HERC2: variants seen among roughly 807,000 people sequenced by gnomAD.
The protein encoded by HERC2 is E3 ubiquitin-protein ligase HERC2.
A neutral mutation model predicts 537.7 loss-of-function variants in HERC2; 102 were observed. The observed-to-expected ratio is 0.19, with a 90% CI of 0.16 to 0.22. The LOEUF is 0.22. HERC2 is among the 10% of genes least tolerant of loss of function. HERC2 has a pLI of 1.00. For synonymous variants in HERC2, 2,224 were observed against 2,466.2 expected, an observed-to-expected ratio of 0.90 and a Z score of 2.91; for missense variants, 4,236 against 6,198.2, an observed-to-expected ratio of 0.68 and a Z score of 10.63.
intron 3 of HERC2, among the ~76,000 whole-genome samples, chr15:28,295,778 T>C (rs1004053246): frequency 1.2e-4 from 18 of 152,164 alleles, no homozygotes; most frequent in Non-Finnish European, 2.6e-4. Context: ...TTCTGTGGAC[T>C]TCATCTTTTC....
At chr15:28,180,633 A>C (rs1327623015) in intron 57 of HERC2, among the ~76,000 whole-genome samples, 1 of 152,104 alleles carries the variant, frequency 6.6e-6, no homozygotes, top group African/African-American at 2.4e-5. Context: ...ATGTGGGTAC[A>C]TCTGAACAGT....
At chr15:28,313,450 G>C (rs928915302) in intron 2 of HERC2, among the ~76,000 whole-genome samples, 2 of 151,924 alleles carry the variant, frequency 1.3e-5, no homozygotes, top group Non-Finnish European at 2.9e-5. Flanking sequence ...TTACAGGCGG[G>C]AGCCACCGCA....
Position 28,122,228 on chromosome 15 carries a change from G to A in HERC2, c.13189-799C>T, listed in dbSNP as rs1031384852. The stretch of plus-strand genomic sequence containing the variant: ...ACGGTGAGGACCCAGCCGTTCCCCA[G>A]GAGGGAGCAGGTCGGCCATGCCCGT... On this transcript the variant is annotated intron_variant, in intron 85 of 92. Transcript: ENST00000261609. The surrounding 1 kb of genome is among the most constrained non-coding windows in gnomAD (Gnocchi z 4.1). Among the ~76,000 whole-genome samples the A allele has an allele frequency of 6.6e-6, 1 of 152,246 alleles. No homozygotes were observed. The highest frequency in any genetic ancestry group is 2.4e-5 in the African/African-American group (1 of 41,476).
At chr15:28,193,156 A>G (rs1425275906) in intron 52 of HERC2, among the ~76,000 whole-genome samples, 1 of 152,196 alleles carries the variant, frequency 6.6e-6, no homozygotes, top group Non-Finnish European at 1.5e-5. Flanking sequence ...AGGCAAGAAA[A>G]TATGACTAAA....
At chr15:28,270,979 A>C in intron 9 of HERC2, 111 bp from the exon 10 acceptor site, 1 of 819,816 alleles carries the variant, frequency 1.2e-6, no homozygotes. Context: ...TGACCCATCA[A>C]ATGACAATGT....
In HERC2 at chr15:28,274,320, C is replaced by T. The variant is rs756309671; in HGVS notation, c.771G>A (p.Ala257=). The change falls in exon 7 of 93, where the codon GCG becomes GCA. Residue 257 remains alanine, a synonymous_variant. Coordinates refer to ENST00000261609, the MANE Select transcript of HERC2 (RefSeq NM_004667.6). ...SSVWLEVVER[A]TRFLRSVVTG... is the part of the protein sequence containing the mutation. ...TCACGACGGACCTGAGGAACCTGGT[C>T]GCTCTCTCCACCACCTCCAGCCACA... is the stretch of plus-strand genomic sequence containing the variant. 3.1e-6 allele frequency: 5 copies of T among 1,614,198 alleles called. No individual in the cohort carries two copies. Among genetic ancestry groups the T allele is most frequent in the Middle Eastern group, 1.6e-4 (1 of 6,062 alleles).
chr15:28,229,454 T>C lies in HERC2; in HGVS notation c.5120+6A>G. 3.7e-6 allele frequency: 6 copies of C among 1,613,682 alleles called. No individual in the cohort carries two copies. The highest frequency in any genetic ancestry group is 5.1e-6 in the Non-Finnish European group (6 of 1,179,602). ...TAATTAAGAAAAAAATATGCTAACG[T>C]TTTACCCTATATCGATTCCCTCAGG... is the stretch of plus-strand genomic sequence containing the variant. On this transcript the variant is annotated splice_donor_region_variant and intron_variant, in intron 33 of 92. Transcript: ENST00000261609.
intron 2 of HERC2, among the ~76,000 whole-genome samples, chr15:28,307,605 T>C (rs1316373520): frequency 6.6e-6 from 1 of 152,262 alleles, no homozygotes; most frequent in African/African-American, 2.4e-5. Context: ...ACTGACCTGT[T>C]GGTCATTCAG....
At chr15:28,256,913 A>C (rs1485419796) in intron 17 of HERC2, 148 bp downstream of exon 17, 1 of 729,468 alleles carries the variant, frequency 1.4e-6, no homozygotes, top group African/African-American at 1.8e-5. Flanking sequence ...GTTTTTTAAG[A>C]CTCGCGTCCA....
intron 20 of HERC2, 106 bp downstream of exon 20, chr15:28,254,234 G>A: frequency 2.7e-6 from 2 of 735,412 alleles, no homozygotes; most frequent in Non-Finnish European, 4.3e-6. Context: ...AGTGAGCCAA[G>A]ATGGCGCCAT....
chr15:28,253,423 C>T (rs1014556678), intron 20 of HERC2, among the ~76,000 whole-genome samples: 20 of 152,334 alleles, frequency 1.3e-4, no homozygotes, highest in Admixed American at 1.2e-3. Flanking sequence ...TTTGCATCCA[C>T]CTGCTTATTA....
chr15:28,247,421 C>CTTTTTTTTTTTT (rs71132843), intron 21 of HERC2, among the ~76,000 whole-genome samples: 1 of 76,180 alleles, frequency 1.3e-5, no homozygotes, highest in Non-Finnish European at 2.3e-5. Context: ...CTACATGGTT[C>CTTTTTTTTTTTT]TTTTTTTTTT....
chr15:28,295,308 T>TGGGGG (rs3079935), intron 3 of HERC2, among the ~76,000 whole-genome samples: 9 of 79,676 alleles, frequency 1.1e-4, no homozygotes, highest in African/African-American at 3.3e-4. Flanking sequence ...TACATGTGTG[T>TGGGGG]GGGGGGGGGG....
At position 28,260,937 on chromosome 15, in the gene HERC2, G is replaced by C. The variant is rs1201700749; in HGVS notation, c.2156C>G (p.Thr719Ser). 1.2e-6 allele frequency: 2 copies of C among 1,613,932 alleles called. No homozygotes were observed. The highest frequency in any genetic ancestry group is 1.7e-6 in the Non-Finnish European group (2 of 1,179,954). ...GTCCTCAGTCAGAGCCAGGCAGTGG[G>C]TGGAGCCTGCAGCCACATCAATCAC... ...KKVIDVAAGS[T>S]HCLALTEDSE... The change falls in exon 16 of 93, where the codon ACC becomes AGC. Residue 719 changes from threonine (T) to serine (S), a missense_variant. By Grantham distance (58) the Thr-to-Ser change is moderately conservative. Coordinates refer to ENST00000261609, the MANE Select transcript of HERC2 (RefSeq NM_004667.6).
intron 28 of HERC2, 25 bp downstream of exon 28, chr15:28,233,639 A>G (rs1222815823): frequency 6.2e-7 from 1 of 1,612,796 alleles, no homozygotes. Context: ...GTGTACCTAA[A>G]GTACACAGAT....
chr15:28,152,603 T>C (rs1892568575), intron 70 of HERC2, 74 bp downstream of exon 70: 1 of 1,293,158 alleles, frequency 7.7e-7, no homozygotes, highest in African/African-American at 1.5e-5. Context: ...TTGTTTCTAC[T>C]GAAGCAATTA....
In HERC2 at chr15:28,268,715, G is replaced by GTT. The variant is rs2075637845; in HGVS notation, c.1447-100_1447-99insAA. On this transcript the variant is annotated intron_variant, in intron 11 of 92. Transcript: ENST00000261609. The surrounding 1 kb of genome is among the most constrained non-coding windows in gnomAD (Gnocchi z 4.7). ...CATGTATCCCCAAGCAAAGCCTGCT[G>GTT]TAACTCCAAGTGGGGCATAAGTCTC... 8 of 972,934 alleles carry GTT rather than the reference G, an allele frequency of 8.2e-6. No individual in the cohort carries two copies. Among genetic ancestry groups the GTT allele is most frequent in the Non-Finnish European group, 1.2e-5 (8 of 647,034 alleles). The allele number at this position is 972,934 out of a possible 1,614,324, so 60.3% of individuals were successfully genotyped here.
chr15:28,165,281 C>T (rs998366201), intron 68 of HERC2, among the ~76,000 whole-genome samples: 2 of 152,176 alleles, frequency 1.3e-5, no homozygotes, highest in Admixed American at 6.5e-5. Flanking sequence ...GTGCCCACCA[C>T]GGAGTGGGGG....
chr15:28,306,218 C>T (rs2141244821), intron 2 of HERC2, among the ~76,000 whole-genome samples: 1 of 152,288 alleles, frequency 6.6e-6, no homozygotes, highest in East Asian at 1.9e-4. Flanking sequence ...CTGTATATGG[C>T]TTTTATTGCG....
Sources: allele counts gnomAD v4.1 joint callset (sites outside exome capture counted in the v4.1 genomes callset), GRCh38; gene constraint gnomAD v4.1.1; non-coding constraint Gnocchi (gnomAD v3.1); transcripts MANE v1.5; gene names NCBI Gene and HGNC (gene_info 2026-07-23, HGNC 2026-07-21).